POLR3B: variants seen among roughly 807,000 people sequenced by gnomAD.
POLR3B encodes the protein RNA polymerase III subunit B.
A neutral mutation model predicts 147.4 loss-of-function variants in POLR3B; 96 were observed. The ratio of observed to expected loss-of-function variants is 0.65; its 90% CI spans 0.55 to 0.77. The LOEUF (loss-of-function observed/expected upper bound fraction) is 0.77, where lower values mean the gene tolerates loss of function less well. Among genes scored for constraint, POLR3B ranks in the 30% least tolerant of loss-of-function variants. The pLI is 0.00. For missense variants in POLR3B, 1,036 were observed against 1,413.5 expected (o/e 0.73, Z 4.28); for synonymous variants, 461 against 485.9 (o/e 0.95, Z 0.67).
chr12:106,477,960 A>AC (rs1859515764), intron 23 of POLR3B, among the ~76,000 whole-genome samples: 1 of 116,318 alleles, frequency 8.6e-6, no homozygotes. Flanking sequence ...GCTGGAGTGC[A>AC]GTGGCTCGAT....
chr12:106,366,879 A>G (rs1361036594), intron 4 of POLR3B, among the ~76,000 whole-genome samples, 157 bp downstream of exon 4: 5 of 152,172 alleles, frequency 3.3e-5, no homozygotes, highest in African/African-American at 1.2e-4. Flanking sequence ...CGAGGTGGGC[A>G]AATCACCTGG....
chr12:106,494,126 A>G (rs1414585004), intron 23 of POLR3B, among the ~76,000 whole-genome samples: 1 of 152,218 alleles, frequency 6.6e-6, no homozygotes, highest in African/African-American at 2.4e-5. Flanking sequence ...GGTATTAGAG[A>G]TTCACATTTC....
At chr12:106,388,855 T>A (rs2036877728) in intron 9 of POLR3B, among the ~76,000 whole-genome samples, 1 of 152,246 alleles carries the variant, frequency 6.6e-6, no homozygotes, top group African/African-American at 2.4e-5. Context: ...TCATTAGTAT[T>A]CTTTTTGTCT....
At position 106,410,905 on chromosome 12, in the gene POLR3B, A is replaced by C. The variant is rs2037217910; in HGVS notation, c.1046A>C (p.Asn349Thr). ...VRRVILAQGDNKVDDRDYYGN... is the reference protein window; with the variant it reads ...VRRVILAQGDTKVDDRDYYGN... ...AGAGTTATTCTGGCCCAAGGAGATA[A>C]TAAAGTTGACGACAGAGATTATTAT... Residue 349 changes from asparagine to threonine, a missense_variant, in exon 12 of 28, where the codon AAT (asparagine) becomes ACT (threonine). Coordinates refer to ENST00000228347, the MANE Select transcript of POLR3B (RefSeq NM_018082.6). 6.2e-7 allele frequency: 1 copy of C among 1,613,886 alleles called. No homozygotes were observed. Among genetic ancestry groups the C allele is most frequent in the Non-Finnish European group, 8.5e-7 (1 of 1,179,776 alleles).
At chr12:106,474,595 A>C (rs1193972562) in intron 23 of POLR3B, among the ~76,000 whole-genome samples, 1 of 147,714 alleles carries the variant, frequency 6.8e-6, no homozygotes, top group East Asian at 2.0e-4. Flanking sequence ...TAGTCTTGGG[A>C]GAGTGTAGGT....
intron 15 of POLR3B, 83 bp from the exon 16 acceptor site, chr12:106,433,636 T>A: frequency 1.3e-5 from 14 of 1,119,710 alleles, no homozygotes; most frequent in Non-Finnish European, 1.8e-5. Context: ...TAGTGCTGAT[T>A]ACTATTTTTA....
chr12:106,372,227 CCTT>C (rs1172493744), intron 6 of POLR3B, among the ~76,000 whole-genome samples: 2 of 152,056 alleles, frequency 1.3e-5, no homozygotes, highest in Admixed American at 1.3e-4. Flanking sequence ...TAACCTCCCT[CCTT>C]CTCTCCCCTT....
At chr12:106,420,035 A>G (rs1314562019) in intron 12 of POLR3B, among the ~76,000 whole-genome samples, 1 of 152,038 alleles carries the variant, frequency 6.6e-6, no homozygotes, top group Non-Finnish European at 1.5e-5. Context: ...AAGGGCTGGA[A>G]AGCTAGGCTC....
intron 2 of POLR3B, among the ~76,000 whole-genome samples, chr12:106,365,523 T>C (rs1486822283): frequency 1.3e-5 from 2 of 152,114 alleles, no homozygotes; most frequent in African/African-American, 2.4e-5. Context: ...CCTGGCCTTT[T>C]TGTTATTTTT....
At chr12:106,491,602 G>C (rs1407226719) in intron 23 of POLR3B, among the ~76,000 whole-genome samples, 1 of 152,206 alleles carries the variant, frequency 6.6e-6, no homozygotes, top group Non-Finnish European at 1.5e-5. Flanking sequence ...GAAAGTAAAA[G>C]GAGGTAATTT....
At position 106,433,764 on chromosome 12, in the gene POLR3B, C is replaced by T. The variant is rs745635075; in HGVS notation, c.1673C>T (p.Thr558Ile). Residue 558 changes from threonine (T) to isoleucine (I), a missense_variant, in exon 16 of 28, where the codon ACA becomes ATA. Physicochemically the swap from Thr to Ile is moderately conservative, Grantham distance 89. Coordinates refer to ENST00000228347, the MANE Select transcript of POLR3B (RefSeq NM_018082.6). Reference sequence around the variant, plus strand: ...CGAGACCACAAAAAGCTAGTGAATACATTTCGACTCATGAGAAGAGCAGGA... The same window carrying T: ...CGAGACCACAAAAAGCTAGTGAATATATTTCGACTCATGAGAAGAGCAGGA... ...VIRDHKKLVN[T>I]FRLMRRAGYI... 5 of 1,613,364 alleles carry T rather than the reference C, an allele frequency of 3.1e-6. No homozygotes were observed. The highest frequency in any genetic ancestry group is 4.2e-6 in the Non-Finnish European group (5 of 1,179,442).
intron 8 of POLR3B, among the ~76,000 whole-genome samples, chr12:106,379,186 G>A (rs891628136): frequency 4.6e-5 from 7 of 152,278 alleles, no homozygotes; most frequent in Non-Finnish European, 5.9e-5. Context: ...CAACTAACAG[G>A]CCTTAAGCTC....
intron 11 of POLR3B, among the ~76,000 whole-genome samples, chr12:106,408,419 C>G (rs917130376): frequency 6.6e-6 from 1 of 152,156 alleles, no homozygotes; most frequent in Non-Finnish European, 1.5e-5. Flanking sequence ...GCATCTGCAT[C>G]ACTAGGGGAC....
At chr12:106,386,683 G>A (rs112815472) in intron 9 of POLR3B, among the ~76,000 whole-genome samples, 92 of 151,950 alleles carry the variant, frequency 6.1e-4, no homozygotes, top group Admixed American at 1.4e-3. Context: ...CGAGGTGGGC[G>A]GATCACGAGG....
intron 9 of POLR3B, among the ~76,000 whole-genome samples, chr12:106,392,475 C>T (rs2136916545): frequency 6.6e-6 from 1 of 152,242 alleles, no homozygotes; most frequent in Non-Finnish European, 1.5e-5. Flanking sequence ...TGTGTTCCTA[C>T]TTTTTAAGTC....
chr12:106,414,421 G>C (rs945191960), intron 12 of POLR3B, among the ~76,000 whole-genome samples: 1 of 151,878 alleles, frequency 6.6e-6, no homozygotes, highest in Non-Finnish European at 1.5e-5. Context: ...ACTTTCTTTT[G>C]GGGATATGTA....
chr12:106,421,996 G>A (rs960367424), intron 12 of POLR3B, among the ~76,000 whole-genome samples: 2 of 152,104 alleles, frequency 1.3e-5, no homozygotes, highest in Non-Finnish European at 2.9e-5. Flanking sequence ...CACGGTGCCC[G>A]GCCAACTTTA....
intron 7 of POLR3B, among the ~76,000 whole-genome samples, 179 bp downstream of exon 7, chr12:106,376,629 C>CTTTTTTT (rs137973753): frequency 6.8e-6 from 1 of 147,448 alleles, no homozygotes; most frequent in Non-Finnish European, 1.5e-5. Flanking sequence ...TTCTTTCTTT[C>CTTTTTTT]TTTTTTGAGA....
intron 1 of POLR3B, among the ~76,000 whole-genome samples, chr12:106,360,716 A>C (rs1282172642): frequency 6.6e-6 from 1 of 152,180 alleles, no homozygotes; most frequent in Non-Finnish European, 1.5e-5. Context: ...GGAGCCAATT[A>C]ATCAGTTACT....
Sources: allele counts gnomAD v4.1 joint callset (sites outside exome capture counted in the v4.1 genomes callset), GRCh38; gene constraint gnomAD v4.1.1; transcripts MANE v1.5; gene names NCBI Gene and HGNC (gene_info 2026-07-23, HGNC 2026-07-21).